The following PDE8A variants were observed in gnomAD, a reference collection of about 807,000 sequenced individuals.
PDE8A encodes phosphodiesterase 8A.
PDE8A carries 59 observed loss-of-function variants against 105.0 expected under a neutral mutation model. That is an observed-to-expected ratio of 0.56 (90% CI 0.46 to 0.70). The LOEUF (loss-of-function observed/expected upper bound fraction) is 0.70. Ranked by LOEUF, PDE8A falls within the 30% of genes least tolerant of loss-of-function variation. PDE8A has a pLI of 0.00. For missense variants in PDE8A, 1,014 were observed against 1,045.9 expected (o/e 0.97, Z 0.42); for synonymous variants, 355 against 371.9 (o/e 0.95, Z 0.52).
At chr15:85,018,765 A>C (rs536807969) in intron 1 of PDE8A, among the ~76,000 whole-genome samples, 1 of 152,356 alleles carries the variant, frequency 6.6e-6, no homozygotes, top group South Asian at 2.1e-4. Flanking sequence ...TTGGATGACA[A>C]ATAGCAAGTT....
chr15:84,982,777 C>CGACT (rs2142132582), intron 1 of PDE8A, among the ~76,000 whole-genome samples: 1 of 152,310 alleles, frequency 6.6e-6, no homozygotes, highest in Admixed American at 6.5e-5. Context: ...AAGGGAAGGG[C>CGACT]GACTGGCCTC....
chr15:85,063,541 C>T (rs968240350), intron 1 of PDE8A: 1 of 152,200 alleles, frequency 6.6e-6, no homozygotes, highest in Non-Finnish European at 1.5e-5. Context: ...TTCAAATCTT[C>T]TGGTGGTCCT....
chr15:85,040,391 GA>G (rs1891523890), intron 1 of PDE8A, among the ~76,000 whole-genome samples: 2 of 132,960 alleles, frequency 1.5e-5, no homozygotes, highest in African/African-American at 5.4e-5. Flanking sequence ...AAAAAAAAAA[GA>G]AAAGAAAAGA....
intron 19 of PDE8A, among the ~76,000 whole-genome samples, chr15:85,123,996 A>AC (rs1313664956): frequency 1.3e-5 from 2 of 151,772 alleles, no homozygotes; most frequent in East Asian, 3.9e-4. Context: ...CTTTCTAGCC[A>AC]CTCCCACTGG....
intron 1 of PDE8A, among the ~76,000 whole-genome samples, chr15:84,994,481 T>G (rs2079942487): frequency 6.6e-6 from 1 of 152,200 alleles, no homozygotes; most frequent in African/African-American, 2.4e-5. Context: ...CTGTTTACTG[T>G]TTTTTAGTAT....
At chr15:85,043,292 C>T (rs914339474) in intron 1 of PDE8A, among the ~76,000 whole-genome samples, 1 of 152,168 alleles carries the variant, frequency 6.6e-6, no homozygotes, top group Non-Finnish European at 1.5e-5. Context: ...ACCTTTGGCT[C>T]CCTGCTCCCT....
intron 20 of PDE8A, among the ~76,000 whole-genome samples, chr15:85,134,468 T>C (rs546632134): frequency 1.3e-5 from 2 of 152,282 alleles, no homozygotes; most frequent in African/African-American, 4.8e-5. Context: ...GGCTGACTGC[T>C]TTTCTTAGAC....
At chr15:85,087,459 C>T (rs760651244) in intron 6 of PDE8A, among the ~76,000 whole-genome samples, 8 of 152,186 alleles carry the variant, frequency 5.3e-5, no homozygotes, top group African/African-American at 9.7e-5. Flanking sequence ...TTCTGCCTCC[C>T]AGAGTGCTGG....
rs1364581731 is a variant in PDE8A, at chr15:85,075,756, C to T, written c.435-106C>T. On this transcript the variant is annotated intron_variant, in intron 3 of 21. Transcript: ENST00000394553. ...TCAGAGAGTGAGGGGATCATTTACT[C>T]TCCCTTCTACCCCTCTTCCAACTTT... 8.0e-5 allele frequency: 48 copies of T among 601,142 alleles called. 1 individual carries two copies. In the South Asian group the frequency reaches 1.1e-3, roughly 13 times the overall value. 37.2% of individuals were successfully genotyped at this position (601,142 alleles called of 1,614,324 possible). A position where few individuals can be genotyped will look rare whatever the true frequency, so the allele number is the denominator to read the frequency against.
At chr15:85,112,406 A>G (rs1159532578) in intron 12 of PDE8A, among the ~76,000 whole-genome samples, 2 of 152,228 alleles carry the variant, frequency 1.3e-5, no homozygotes, top group African/African-American at 2.4e-5. Context: ...ACAAGCATAT[A>G]TCAATTATTT....
At chr15:85,125,210 G>C (rs1330390768) in intron 19 of PDE8A, among the ~76,000 whole-genome samples, 3 of 152,158 alleles carry the variant, frequency 2.0e-5, no homozygotes, top group Non-Finnish European at 4.4e-5. Flanking sequence ...CCATCTTGAT[G>C]GCAGTCTGTT....
At chr15:85,029,322 C>T (rs905959964) in intron 1 of PDE8A, among the ~76,000 whole-genome samples, 4 of 151,568 alleles carry the variant, frequency 2.6e-5, no homozygotes, top group East Asian at 1.9e-4. Flanking sequence ...TGGCTACCGT[C>T]GGAAACTTAC....
At chr15:85,014,123 CCTTT>C (rs2080284311) in intron 1 of PDE8A, among the ~76,000 whole-genome samples, 1 of 149,220 alleles carries the variant, frequency 6.7e-6, no homozygotes, top group Non-Finnish European at 1.5e-5. Flanking sequence ...TTTCTTTCTT[CCTTT>C]CTTTTTCTTT....
intron 1 of PDE8A, among the ~76,000 whole-genome samples, chr15:84,989,583 A>G (rs1405772468): frequency 6.6e-6 from 1 of 152,226 alleles, no homozygotes; most frequent in South Asian, 2.1e-4. Flanking sequence ...GTCCAGCTCC[A>G]TCAGGCTTTG....
intron 1 of PDE8A, among the ~76,000 whole-genome samples, chr15:84,998,695 G>A (rs930442501): frequency 6.6e-6 from 1 of 152,062 alleles, no homozygotes; most frequent in South Asian, 2.1e-4. Context: ...AGGAAGTCTT[G>A]TTCCTTTTTT....
At chr15:85,027,388 CTGAGCAAGG>C (rs1232990359) in intron 1 of PDE8A, among the ~76,000 whole-genome samples, 1 of 152,188 alleles carries the variant, frequency 6.6e-6, no homozygotes, top group Non-Finnish European at 1.5e-5. Context: ...GCTACCTCGC[CTGAGCAAGG>C]TGGTGTCTGT....
At chr15:85,105,469 A>T (rs1464223047) in intron 11 of PDE8A, among the ~76,000 whole-genome samples, 1 of 152,108 alleles carries the variant, frequency 6.6e-6, no homozygotes. Flanking sequence ...CTCATATCCA[A>T]ACTGGAACTC....
intron 6 of PDE8A, among the ~76,000 whole-genome samples, chr15:85,087,659 A>T (rs899874791): frequency 6.6e-6 from 1 of 152,162 alleles, no homozygotes; most frequent in South Asian, 2.1e-4. Context: ...ATGTCTAGTG[A>T]TAGGGGATTT....
chr15:85,096,430 G>C (rs532304677), intron 8 of PDE8A, among the ~76,000 whole-genome samples: 1 of 152,296 alleles, frequency 6.6e-6, no homozygotes, highest in South Asian at 2.1e-4. Context: ...CTGCACTCCA[G>C]CCTGGGTGAA....
Sources: allele counts gnomAD v4.1 joint callset (sites outside exome capture counted in the v4.1 genomes callset), GRCh38; gene constraint gnomAD v4.1.1; transcripts MANE v1.5; gene names NCBI Gene and HGNC (gene_info 2026-07-23, HGNC 2026-07-21).